UNC13B: variants seen among roughly 807,000 people sequenced by gnomAD.
UNC13B encodes unc-13 homolog B.
A neutral mutation model predicts 211.0 loss-of-function variants in UNC13B; 144 were observed. That is an observed-to-expected ratio of 0.68 (90% CI 0.60 to 0.78). The LOEUF is 0.78. Ranked by LOEUF, UNC13B falls within the 30% of genes least tolerant of loss-of-function variation. UNC13B has a pLI of 0.00. For missense variants in UNC13B, 1,777 were observed against 2,002.0 expected, an observed-to-expected ratio of 0.89 and a Z score of 2.14; for synonymous variants, 709 against 725.8, an observed-to-expected ratio of 0.98 and a Z score of 0.37.
intron 30 of UNC13B, among the ~76,000 whole-genome samples, 189 bp downstream of exon 30, chr9:35,397,901 A>G (rs1432526836): frequency 6.6e-6 from 1 of 152,220 alleles, no homozygotes; most frequent in Admixed American, 6.5e-5. Flanking sequence ...CTCATTTGGT[A>G]CATTATCCTC....
intron 11 of UNC13B, among the ~76,000 whole-genome samples, chr9:35,333,795 C>T (rs536957898): frequency 2.0e-5 from 3 of 152,252 alleles, no homozygotes; most frequent in South Asian, 4.1e-4. Flanking sequence ...TCACTCCAAC[C>T]TTTAGGAGTT....
rs1485360459 is a variant in UNC13B at position 35,301,050 on chromosome 9, C to T, written c.1646C>T (p.Ser549Leu). The change falls in exon 9 of 40, where the codon TCA becomes TTA. Residue 549 changes from serine (S) to leucine (L), a missense_variant. Physicochemically the swap from Ser to Leu is moderately radical, Grantham distance 145. Transcript: ENST00000635942. ...LFSSLTEKVGSGTKHLTNSVE... is the reference protein window; with the variant it reads ...LFSSLTEKVGLGTKHLTNSVE... ...AGTTCACTCACAGAAAAAGTGGGTT[C>T]AGGCACAAAGCATCTAACAAACTCT... 2.3e-5 allele frequency: 9 copies of T among 398,734 alleles called. No homozygotes were observed. In the East Asian group the frequency reaches 3.2e-4, roughly 14 times the overall value. 24.7% of individuals were successfully genotyped at this position (398,734 alleles called of 1,614,324 possible).
chr9:35,231,081 G>A (rs775320419), intron 2 of UNC13B, 39 bp from the exon 3 acceptor site: 1 of 1,327,608 alleles, frequency 7.5e-7, no homozygotes, highest in Non-Finnish European at 1.1e-6. Context: ...AACAATCTGA[G>A]CACTAAGTAT....
chr9:35,336,906 C>T (rs2131992327), intron 11 of UNC13B, among the ~76,000 whole-genome samples: 1 of 152,320 alleles, frequency 6.6e-6, no homozygotes, highest in Non-Finnish European at 1.5e-5. Flanking sequence ...CCTACCTTCT[C>T]ACCATCCTGA....
chr9:35,184,810 G>T (rs1328468144), intron 1 of UNC13B, among the ~76,000 whole-genome samples: 5 of 105,570 alleles, frequency 4.7e-5, no homozygotes, highest in Admixed American at 1.0e-4. Context: ...GCGGGGGGGG[G>T]GGGGGAGAGA....
intron 1 of UNC13B, among the ~76,000 whole-genome samples, chr9:35,163,638 T>C (rs2131224404): frequency 6.6e-6 from 1 of 152,352 alleles, no homozygotes; most frequent in East Asian, 1.9e-4. Flanking sequence ...TTTAATTCTC[T>C]ACGGCCACAC....
Position 35,307,682 on chromosome 9 carries a change from A to T in UNC13B, c.8278A>T (p.Arg2760Ter), listed in dbSNP as rs1014936233. The change falls in exon 9 of 40, where the codon AGA becomes TGA. Residue 2760 changes from arginine (R) to a stop codon, truncating the protein, a stop_gained. Coordinates refer to ENST00000635942, the MANE Select transcript of UNC13B (RefSeq NM_001371189.2). LOFTEE classifies it high-confidence loss of function. ...PVVPQETEQS[R>*]PRFEIPNVTT... ...AGTACCCCAGGAAACAGAGCAGTCA[A>T]GACCACGTTTTGAGATCCCAAATGT... 5.5e-5 allele frequency: 22 copies of T among 398,962 alleles called. No individual in the cohort carries two copies. The highest frequency in any genetic ancestry group is 9.3e-5 in the Non-Finnish European group (21 of 226,106). 24.7% of individuals were successfully genotyped at this position (398,962 alleles called of 1,614,324 possible). A position where few individuals can be genotyped will look rare whatever the true frequency, so the allele number is the denominator to read the frequency against.
At chr9:35,384,599 TC>T in intron 22 of UNC13B, 1 of 985,428 alleles carries the variant, frequency 1.0e-6, no homozygotes, top group Non-Finnish European at 1.2e-6. Context: ...TTAGGGAGTT[TC>T]CTGAGGATAA....
At chr9:35,367,034 TA>T in intron 12 of UNC13B, 41 bp downstream of exon 12, 1 of 1,569,482 alleles carries the variant, frequency 6.4e-7, no homozygotes, top group Non-Finnish European at 8.8e-7. Flanking sequence ...TTTTATTCAG[TA>T]TCTCTTGATG....
At chr9:35,330,502 C>T (rs953278581) in intron 11 of UNC13B, among the ~76,000 whole-genome samples, 1 of 152,172 alleles carries the variant, frequency 6.6e-6, no homozygotes, top group Admixed American at 6.5e-5. Flanking sequence ...GCTAGGGTAA[C>T]TTATCTATGG....
At chr9:35,179,974 G>C (rs917270362) in intron 1 of UNC13B, among the ~76,000 whole-genome samples, 3 of 152,194 alleles carry the variant, frequency 2.0e-5, no homozygotes, top group Non-Finnish European at 4.4e-5. Flanking sequence ...GAATGACCTT[G>C]TCCTGTGTGT....
chr9:35,200,734 G>A (rs1389066437), intron 1 of UNC13B, among the ~76,000 whole-genome samples: 1 of 152,072 alleles, frequency 6.6e-6, no homozygotes, highest in East Asian at 1.9e-4. Context: ...GGAGATTTTG[G>A]GCTGAGATGA....
chr9:35,233,519 A>G (rs1027588289), intron 3 of UNC13B, among the ~76,000 whole-genome samples: 7 of 151,544 alleles, frequency 4.6e-5, no homozygotes, highest in Non-Finnish European at 1.0e-4. Flanking sequence ...TTAGTTATTT[A>G]CTTATTTTTT....
chr9:35,239,712 T>G (rs1825704998), intron 5 of UNC13B, among the ~76,000 whole-genome samples: 1 of 152,146 alleles, frequency 6.6e-6, no homozygotes, highest in South Asian at 2.1e-4. Flanking sequence ...AAGCAGCCAT[T>G]TCAGAGGCCT....
intron 1 of UNC13B, among the ~76,000 whole-genome samples, chr9:35,190,040 C>G (rs896584446): frequency 6.6e-6 from 1 of 152,134 alleles, no homozygotes; most frequent in Non-Finnish European, 1.5e-5. Context: ...GGATAGCATG[C>G]CTTTTAGGGC....
intron 1 of UNC13B, among the ~76,000 whole-genome samples, chr9:35,166,625 C>T (rs1366884578): frequency 1.3e-5 from 2 of 152,050 alleles, no homozygotes; most frequent in East Asian, 1.9e-4. Context: ...CTACAAGGAA[C>T]ACACCACCAC....
intron 24 of UNC13B, 142 bp downstream of exon 24, chr9:35,386,435 G>A: frequency 8.6e-7 from 1 of 1,162,008 alleles, no homozygotes. Context: ...TATGAACCAT[G>A]TGGACCATGT....
chr9:35,211,309 T>G (rs1348917762), intron 1 of UNC13B, among the ~76,000 whole-genome samples: 1 of 152,194 alleles, frequency 6.6e-6, no homozygotes, highest in Non-Finnish European at 1.5e-5. Context: ...TCTTCACTTT[T>G]GAAAATGTAA....
chr9:35,266,221 G>A (rs1827565597), intron 7 of UNC13B, among the ~76,000 whole-genome samples: 3 of 152,146 alleles, frequency 2.0e-5, no homozygotes, highest in Admixed American at 2.0e-4. Context: ...ATGATCTCTA[G>A]GACTTTTCCA....
Sources: gnomAD v4.1 joint callset for allele counts (sites outside exome capture counted in the v4.1 genomes callset) on GRCh38, gnomAD v4.1.1 for gene constraint, MANE v1.5 for transcripts, NCBI Gene and HGNC (gene_info 2026-07-23, HGNC 2026-07-21) for gene names.